The following TGFBR2 variants were observed in gnomAD, a reference collection of about 807,000 sequenced individuals.
TGFBR2 encodes the protein TGF-beta receptor type-2.
Under a neutral mutation model 49.0 loss-of-function variants are expected in TGFBR2, and 18 were observed. The ratio of observed to expected loss-of-function variants is 0.37; its 90% CI spans 0.25 to 0.54. The LOEUF is 0.54. Ranked by LOEUF, TGFBR2 falls within the 20% of genes least tolerant of loss-of-function variation. TGFBR2 has a pLI of 0.85. For missense variants in TGFBR2, 525 were observed against 722.6 expected (o/e 0.73, Z 3.13); for synonymous variants, 282 against 275.9 (o/e 1.02, Z -0.22).
Position 30,624,209 on chromosome 3 carries a change from C to T in TGFBR2, c.94+17232C>T, listed in dbSNP as rs117909239. Among the ~76,000 whole-genome samples the T allele has an allele frequency of 2.6e-4, 40 of 152,182 alleles. 1 individual carries two copies. In the East Asian group the frequency reaches 6.4e-3, roughly 24 times the overall value. ...AAGAAGTGTTTTGAGTAGCAGAACA[C>T]GACTCACACAGACATCTAATATTTA... On this transcript the variant is annotated intron_variant, in intron 1 of 6. Transcript: ENST00000295754.
At chr3:30,670,573 G>C (rs1291805879) in intron 3 of TGFBR2, among the ~76,000 whole-genome samples, 1 of 152,208 alleles carries the variant, frequency 6.6e-6, no homozygotes, top group Non-Finnish European at 1.5e-5. Flanking sequence ...GCTGCCTTTT[G>C]CTCTCTCCTG....
intron 1 of TGFBR2, among the ~76,000 whole-genome samples, chr3:30,607,799 A>AT (rs1553624166): frequency 1.1e-4 from 15 of 138,314 alleles, no homozygotes; most frequent in African/African-American, 3.3e-4. Flanking sequence ...AAAATAAAAA[A>AT]ATATATATAT....
At chr3:30,611,109 C>A (rs1438410421) in intron 1 of TGFBR2, among the ~76,000 whole-genome samples, 2 of 152,218 alleles carry the variant, frequency 1.3e-5, no homozygotes, top group Non-Finnish European at 2.9e-5. Flanking sequence ...AAAGTCATAT[C>A]TTTACGTAAC....
intron 6 of TGFBR2, 72 bp downstream of exon 6, chr3:30,688,583 A>T (rs1160343299): frequency 1.3e-6 from 2 of 1,597,088 alleles, no homozygotes; most frequent in Non-Finnish European, 1.7e-6. Context: ...AGAATTCTGG[A>T]ATATTGAGCT....
chr3:30,660,373 G>T (rs1340780144), intron 3 of TGFBR2, among the ~76,000 whole-genome samples: 2 of 152,124 alleles, frequency 1.3e-5, no homozygotes, highest in Non-Finnish European at 2.9e-5. Context: ...CATTAACTGG[G>T]TCTTACTCCT....
At chr3:30,607,222 A>G (rs1315427711) in intron 1 of TGFBR2, among the ~76,000 whole-genome samples, 3 of 152,246 alleles carry the variant, frequency 2.0e-5, no homozygotes, top group Non-Finnish European at 4.4e-5. Flanking sequence ...TTGTGCGAGC[A>G]GGAAAGGCGT....
intron 1 of TGFBR2, among the ~76,000 whole-genome samples, chr3:30,608,180 G>T (rs568159949): frequency 1.0e-3 from 158 of 151,936 alleles, no homozygotes; most frequent in Middle Eastern, 3.4e-3. Flanking sequence ...CTCGTGATCC[G>T]CCCACCTTGG....
At chr3:30,624,609 C>A (rs542662079) in intron 1 of TGFBR2, among the ~76,000 whole-genome samples, 1 of 147,774 alleles carries the variant, frequency 6.8e-6, no homozygotes, top group Non-Finnish European at 1.5e-5. Flanking sequence ...AGCAAGACTC[C>A]GTCTCAAAGG....
chr3:30,636,752 G>A (rs753335803), intron 1 of TGFBR2, among the ~76,000 whole-genome samples: 3 of 151,844 alleles, frequency 2.0e-5, no homozygotes, highest in Non-Finnish European at 4.4e-5. Flanking sequence ...GTGTGTGTGT[G>A]TGTGTGTATT....
In TGFBR2 at chr3:30,672,934, C is replaced by T. The variant is rs1699369669; in HGVS notation, c.1254+497C>T. On this transcript the variant is annotated intron_variant, in intron 4 of 6. Transcript: ENST00000295754. The surrounding 1 kb of genome is among the most constrained non-coding windows in gnomAD (Gnocchi z 4.5). ...TTGAACATTGAAAGTAAAATAAGTA[C>T]TTGTCGACTGAGTGAGCACTTCCAC... Among the ~76,000 whole-genome samples, 1 of 152,212 alleles carries T rather than the reference C, an allele frequency of 6.6e-6. No individual in the cohort carries two copies. Among genetic ancestry groups the T allele is most frequent in the African/African-American group, 2.4e-5 (1 of 41,466 alleles).
intron 1 of TGFBR2, among the ~76,000 whole-genome samples, chr3:30,632,077 T>C (rs746557849): frequency 6.6e-5 from 10 of 152,210 alleles, no homozygotes; most frequent in Non-Finnish European, 1.3e-4. Context: ...ACAATTGTTG[T>C]TGCCCATATT....
At chr3:30,607,492 G>A (rs1014201397) in intron 1 of TGFBR2, among the ~76,000 whole-genome samples, 1 of 152,204 alleles carries the variant, frequency 6.6e-6, no homozygotes, top group Non-Finnish European at 1.5e-5. Flanking sequence ...TTCTTGGCCC[G>A]GAGTTTTTGG....
chr3:30,633,399 C>A (rs1445952364), intron 1 of TGFBR2, among the ~76,000 whole-genome samples: 3 of 152,160 alleles, frequency 2.0e-5, no homozygotes, highest in East Asian at 3.8e-4. Context: ...TGGCCTTGAA[C>A]TGAAATGTGA....
intron 1 of TGFBR2, among the ~76,000 whole-genome samples, chr3:30,638,149 G>T (rs150950331): frequency 9.2e-5 from 14 of 152,012 alleles, no homozygotes; most frequent in African/African-American, 3.4e-4. Context: ...TTAAAGTAGC[G>T]TTTTTTTAAC....
rs34833812 is a variant in TGFBR2 at position 30,672,127 on chromosome 3, C to T, written c.944C>T (p.Thr315Met). ...LQFLTAEERK[T>M]ELGKQYWLIT... The stretch of plus-strand genomic sequence containing the variant: ...TTCCTGACGGCTGAGGAGCGGAAGA[C>T]GGAGTTGGGGAAACAATACTGGCTG... Residue 315 changes from threonine to methionine, a missense_variant, in exon 4 of 7, where the codon ACG becomes ATG. Physicochemically the swap from Thr to Met is moderately conservative, Grantham distance 81 (BLOSUM62 -1). Coordinates refer to ENST00000295754, the MANE Select transcript of TGFBR2 (RefSeq NM_003242.6). This position sits in a 1 kb window ranked among gnomAD's most constrained non-coding sequence, Gnocchi z 4.5. 4.0e-4 allele frequency: 652 copies of T among 1,614,120 alleles called. 9 individuals carry two copies. In the East Asian group the frequency reaches 0.013, roughly 31 times the overall value.
intron 3 of TGFBR2, among the ~76,000 whole-genome samples, chr3:30,660,017 A>G (rs1699089765): frequency 6.6e-6 from 1 of 152,148 alleles, no homozygotes; most frequent in Non-Finnish European, 1.5e-5. Flanking sequence ...GTCCTTTTGT[A>G]TTCTAAATCG....
At chr3:30,633,067 C>T (rs928686287) in intron 1 of TGFBR2, among the ~76,000 whole-genome samples, 1 of 152,158 alleles carries the variant, frequency 6.6e-6, no homozygotes, top group African/African-American at 2.4e-5. Context: ...TAAAGTTCTA[C>T]TCTTAAACTT....
chr3:30,647,934 C>G (rs940110262), intron 2 of TGFBR2, among the ~76,000 whole-genome samples: 3 of 152,188 alleles, frequency 2.0e-5, no homozygotes, highest in Admixed American at 2.0e-4. Context: ...GCCTCGGCCT[C>G]TGAAAGTGCT....
chr3:30,620,804 T>G (rs923181479), intron 1 of TGFBR2, among the ~76,000 whole-genome samples: 1 of 152,170 alleles, frequency 6.6e-6, no homozygotes, highest in African/African-American at 2.4e-5. Flanking sequence ...GGAATAGGGA[T>G]GGCTGAAGGG....
Sources: gnomAD v4.1 joint callset for allele counts (sites outside exome capture counted in the v4.1 genomes callset) on GRCh38, gnomAD v4.1.1 for gene constraint, Gnocchi (gnomAD v3.1) non-coding constraint, MANE v1.5 for transcripts, NCBI Gene and HGNC (gene_info 2026-07-23, HGNC 2026-07-21) for gene names.